The following THSD7B variants were observed in gnomAD, a reference collection of about 807,000 sequenced individuals.
The protein encoded by THSD7B is thrombospondin type-1 domain-containing protein 7B.
In THSD7B, 138 loss-of-function variants were observed where a neutral mutation model predicts 213.6. The ratio of observed to expected loss-of-function variants is 0.65; its 90% CI spans 0.56 to 0.74. THSD7B has a LOEUF of 0.74. THSD7B is among the 30% of genes least tolerant of loss of function. The pLI is 0.00. For synonymous variants in THSD7B, 742 were observed against 687.0 expected (o/e 1.08, Z -1.25); for missense variants, 1,931 against 1,991.5 (o/e 0.97, Z 0.58).
chr2:137,360,311 C>T (rs1047059850), intron 12 of THSD7B, among the ~76,000 whole-genome samples: 15 of 152,016 alleles, frequency 9.9e-5, no homozygotes, highest in African/African-American at 2.4e-4. Context: ...CGCAGAAGAC[C>T]GGGGATTTCT....
At chr2:137,130,968 T>G (rs1688719096) in intron 5 of THSD7B, among the ~76,000 whole-genome samples, 1 of 151,798 alleles carries the variant, frequency 6.6e-6, no homozygotes, top group Non-Finnish European at 1.5e-5. Context: ...ACTTCTAAAA[T>G]GGTTGAACTA....
At chr2:137,082,706 T>C (rs894641782) in intron 3 of THSD7B, among the ~76,000 whole-genome samples, 1 of 152,096 alleles carries the variant, frequency 6.6e-6, no homozygotes, top group African/African-American at 2.4e-5. Context: ...TTGCTGATAT[T>C]GCTTATATCT....
chr2:136,777,035 T>C (rs1681622946), intron 1 of THSD7B, among the ~76,000 whole-genome samples: 1 of 152,104 alleles, frequency 6.6e-6, no homozygotes, highest in Admixed American at 6.5e-5. Flanking sequence ...GAAATATCAT[T>C]TGTTCAAACC....
chr2:137,652,507 C>T (rs1683160119), intron 21 of THSD7B, among the ~76,000 whole-genome samples: 1 of 151,978 alleles, frequency 6.6e-6, no homozygotes, highest in African/African-American at 2.4e-5. Context: ...TTCCTTTATC[C>T]ATTCAGACAC....
At chr2:137,553,464 T>C (rs538250525) in intron 15 of THSD7B, among the ~76,000 whole-genome samples, 3 of 152,222 alleles carry the variant, frequency 2.0e-5, no homozygotes, top group East Asian at 3.9e-4. Flanking sequence ...TCAATTACAA[T>C]GAATGGAGGC....
chr2:137,067,372 CAG>C (rs1421659357), intron 3 of THSD7B, among the ~76,000 whole-genome samples: 1 of 151,922 alleles, frequency 6.6e-6, no homozygotes, highest in African/African-American at 2.4e-5. Context: ...TTGTAGGTGT[CAG>C]GGGCAAAAAA....
At chr2:137,623,287 G>T (rs970864775) in intron 20 of THSD7B, among the ~76,000 whole-genome samples, 2 of 152,168 alleles carry the variant, frequency 1.3e-5, no homozygotes, top group Admixed American at 1.3e-4. Flanking sequence ...AGTCCTTCAT[G>T]CTAAAAACTC....
intron 12 of THSD7B, among the ~76,000 whole-genome samples, chr2:137,372,393 A>G (rs1685552669): frequency 7.5e-6 from 1 of 133,708 alleles, no homozygotes; most frequent in Non-Finnish European, 1.5e-5. Context: ...GTTAGCAACC[A>G]TGGCCCATGA....
chr2:137,356,947 TACACACACACACACACACAGACAC>T (rs1353054090), intron 12 of THSD7B, among the ~76,000 whole-genome samples: 3 of 113,830 alleles, frequency 2.6e-5, no homozygotes, highest in South Asian at 3.1e-4. Context: ...CACACACACA[TACACACACACACACACACAGACAC>T]ACACACACAC....
At chr2:137,554,544 C>A (rs1369289676) in intron 15 of THSD7B, among the ~76,000 whole-genome samples, 2 of 152,094 alleles carry the variant, frequency 1.3e-5, no homozygotes, top group Non-Finnish European at 2.9e-5. Flanking sequence ...GAGCTAAAGT[C>A]ATGAAAGGCT....
At chr2:137,284,859 A>T (rs923425025) in intron 12 of THSD7B, among the ~76,000 whole-genome samples, 1 of 152,128 alleles carries the variant, frequency 6.6e-6, no homozygotes, top group African/African-American at 2.4e-5. Context: ...TGTGGTGCTG[A>T]AAAGAATGTA....
intron 1 of THSD7B, among the ~76,000 whole-genome samples, chr2:136,805,400 A>T (rs1463361487): frequency 1.3e-5 from 2 of 152,224 alleles, no homozygotes; most frequent in African/African-American, 4.8e-5. Flanking sequence ...CCCCACCAAT[A>T]GGAGGGGAGA....
At chr2:137,334,574 C>A (rs1206187364) in intron 12 of THSD7B, among the ~76,000 whole-genome samples, 2 of 152,154 alleles carry the variant, frequency 1.3e-5, no homozygotes, top group Non-Finnish European at 2.9e-5. Context: ...ATTCCTCCAG[C>A]CCTACTCTCC....
rs892511968 is a variant in THSD7B at position 136,957,843 on chromosome 2, A to G, written c.139+75526A>G. On this transcript the variant is annotated intron_variant, in intron 2 of 27. Transcript: ENST00000409968. The stretch of plus-strand genomic sequence containing the variant: ...ACAGTGTTTTAGCCTAAATATGGTC[A>G]GTATTTTTCTTAGCATCTTTAAGTT... Among the ~76,000 whole-genome samples the G allele has an allele frequency of 2.1e-4, 32 of 152,358 alleles. 1 individual carries two copies. The highest frequency in any genetic ancestry group is 4.4e-5 in the Non-Finnish European group (3 of 68,034).
intron 20 of THSD7B, among the ~76,000 whole-genome samples, chr2:137,634,261 A>G (rs1241316608): frequency 1.3e-5 from 2 of 152,160 alleles, no homozygotes; most frequent in East Asian, 3.9e-4. Flanking sequence ...ATGATTGTGC[A>G]TAAACTTTGG....
intron 3 of THSD7B, among the ~76,000 whole-genome samples, chr2:137,058,741 C>T (rs777982525): frequency 2.0e-5 from 3 of 152,092 alleles, no homozygotes; most frequent in Non-Finnish European, 4.4e-5. Context: ...GTAATTATGT[C>T]GTGATGATGC....
At chr2:137,497,772 A>G (rs1679605211) in intron 15 of THSD7B, among the ~76,000 whole-genome samples, 1 of 152,184 alleles carries the variant, frequency 6.6e-6, no homozygotes, top group African/African-American at 2.4e-5. Context: ...TAAAAGCATT[A>G]TTAAATGACA....
intron 12 of THSD7B, among the ~76,000 whole-genome samples, chr2:137,320,609 A>G (rs2104878411): frequency 6.6e-6 from 1 of 152,346 alleles, no homozygotes; most frequent in South Asian, 2.1e-4. Flanking sequence ...GCCCAAGGTC[A>G]TGCTTTTCAT....
At chr2:137,002,263 TG>T (rs1382066711) in intron 2 of THSD7B, among the ~76,000 whole-genome samples, 1 of 152,098 alleles carries the variant, frequency 6.6e-6, no homozygotes, top group African/African-American at 2.4e-5. Context: ...TCCTCATGGG[TG>T]TTTCTCTAAA....
Sources: allele counts gnomAD v4.1 joint callset (sites outside exome capture counted in the v4.1 genomes callset), GRCh38; gene constraint gnomAD v4.1.1; transcripts MANE v1.5; gene names NCBI Gene and HGNC (gene_info 2026-07-23, HGNC 2026-07-21).